PTPRD: variants seen among roughly 807,000 people sequenced by gnomAD.
PTPRD encodes receptor-type tyrosine-protein phosphatase delta.
In PTPRD, 34 loss-of-function variants were observed where a neutral mutation model predicts 214.5. That is an observed-to-expected ratio of 0.16 (90% CI 0.12 to 0.21). The LOEUF (loss-of-function observed/expected upper bound fraction) is 0.21, where lower values mean the gene tolerates loss of function less well. Among genes scored for constraint, PTPRD ranks in the 10% least tolerant of loss-of-function variants. PTPRD has a pLI of 1.00. For synonymous variants in PTPRD, 1,128 were observed against 845.7 expected (o/e 1.33, Z -5.79); for missense variants, 2,545 against 2,398.7 (o/e 1.06, Z -1.27).
intron 14 of PTPRD, among the ~76,000 whole-genome samples, chr9:8,627,026 T>A (rs2096065007): frequency 2.0e-5 from 3 of 151,708 alleles, no homozygotes; most frequent in Non-Finnish European, 4.4e-5. Context: ...AGCTTCTAGT[T>A]TCTACTCCTC....
intron 4 of PTPRD, among the ~76,000 whole-genome samples, chr9:9,988,699 G>A (rs1166517942): frequency 6.6e-6 from 1 of 151,800 alleles, no homozygotes; most frequent in African/African-American, 2.4e-5. Flanking sequence ...AACAAGTGCT[G>A]TTACATATCT....
At chr9:10,221,736 C>A (rs2099571810) in intron 3 of PTPRD, among the ~76,000 whole-genome samples, 1 of 151,738 alleles carries the variant, frequency 6.6e-6, no homozygotes, top group South Asian at 2.1e-4. Context: ...TTTTACAAAG[C>A]AATGTATAGC....
intron 2 of PTPRD, among the ~76,000 whole-genome samples, chr9:10,449,470 G>T (rs972303353): frequency 5.3e-5 from 8 of 151,436 alleles, no homozygotes; most frequent in African/African-American, 1.7e-4. Context: ...CCCCGTCTGG[G>T]AAGTGAGGAG....
intron 11 of PTPRD, among the ~76,000 whole-genome samples, chr9:8,955,315 A>C (rs2099125266): frequency 6.6e-6 from 1 of 151,864 alleles, no homozygotes; most frequent in Non-Finnish European, 1.5e-5. Flanking sequence ...CTGTCTTCTT[A>C]ACAGGAGATC....
chr9:9,576,894 T>C (rs144296535), intron 7 of PTPRD, among the ~76,000 whole-genome samples: 2,207 of 152,272 alleles, frequency 0.014, 46 homozygotes, highest in African/African-American at 0.05. Context: ...AAAAGAATGA[T>C]GGAATTTCAA....
chr9:10,460,128 A>C (rs955967533), intron 2 of PTPRD, among the ~76,000 whole-genome samples: 1 of 152,070 alleles, frequency 6.6e-6, no homozygotes, highest in Non-Finnish European at 1.5e-5. Context: ...TCAAGAAAAC[A>C]ATCCCATTTA....
intron 7 of PTPRD, among the ~76,000 whole-genome samples, chr9:9,590,067 T>C (rs540514947): frequency 2.1e-4 from 32 of 152,172 alleles, no homozygotes; most frequent in South Asian, 1.5e-3. Context: ...AGTACAAACA[T>C]TTATAATAAA....
intron 11 of PTPRD, among the ~76,000 whole-genome samples, chr9:8,758,703 C>A (rs2094193119): frequency 6.6e-6 from 1 of 151,118 alleles, no homozygotes; most frequent in East Asian, 1.9e-4. Context: ...CAATATGCTA[C>A]AACAAGACAA....
intron 6 of PTPRD, among the ~76,000 whole-genome samples, chr9:9,746,770 GT>G (rs1465877823): frequency 6.7e-6 from 1 of 148,706 alleles, no homozygotes; most frequent in Non-Finnish European, 1.5e-5. Context: ...TTGGGTCACA[GT>G]TTTTTACTTC....
intron 12 of PTPRD, among the ~76,000 whole-genome samples, chr9:8,733,364 C>T (rs1046160418): frequency 6.6e-6 from 1 of 152,098 alleles, no homozygotes; most frequent in Non-Finnish European, 1.5e-5. Context: ...TAATTAGGCT[C>T]ATTGTGACAT....
intron 14 of PTPRD, among the ~76,000 whole-genome samples, chr9:8,620,583 T>C (rs2095790580): frequency 1.3e-5 from 2 of 151,910 alleles, no homozygotes; most frequent in Non-Finnish European, 1.5e-5. Flanking sequence ...ATGGAGAAAT[T>C]TTAACCAGGT....
intron 9 of PTPRD, among the ~76,000 whole-genome samples, chr9:9,316,502 A>G (rs1963213382): frequency 1.3e-5 from 2 of 152,148 alleles, no homozygotes. Context: ...TGACCCAAAT[A>G]AAAAATGTTG....
chr9:8,937,028 A>ACAT (rs2099002412), intron 11 of PTPRD, among the ~76,000 whole-genome samples: 1 of 152,204 alleles, frequency 6.6e-6, no homozygotes. Flanking sequence ...GATGTTACAG[A>ACAT]CATTACCACT....
chr9:10,233,408 A>T (rs1476564435), intron 3 of PTPRD, among the ~76,000 whole-genome samples: 1 of 152,010 alleles, frequency 6.6e-6, no homozygotes, highest in Non-Finnish European at 1.5e-5. Context: ...GATGTTTTGA[A>T]TTCTCATCCA....
intron 2 of PTPRD, among the ~76,000 whole-genome samples, chr9:10,489,383 T>C (rs888327549): frequency 6.6e-6 from 1 of 152,114 alleles, no homozygotes; most frequent in Non-Finnish European, 1.5e-5. Context: ...CCAGTGGAGA[T>C]AAGAAGTCTC....
At chr9:10,156,181 G>A (rs1471897534) in intron 3 of PTPRD, among the ~76,000 whole-genome samples, 3 of 149,672 alleles carry the variant, frequency 2.0e-5, no homozygotes, top group Admixed American at 6.7e-5. Flanking sequence ...TGCCAGCTTT[G>A]GCATTGGTTT....
At chr9:10,299,084 G>A (rs661198) in intron 3 of PTPRD, among the ~76,000 whole-genome samples, 15,830 of 152,006 alleles carry the variant, frequency 0.1, 918 homozygotes, top group South Asian at 0.21. Context: ...GTTCAATTAA[G>A]TGTTGGTCAC....
chr9:9,757,897 C>A (rs1431518628), intron 6 of PTPRD, among the ~76,000 whole-genome samples: 5 of 152,054 alleles, frequency 3.3e-5, no homozygotes, highest in African/African-American at 9.7e-5. Flanking sequence ...CTTCTTTGCA[C>A]ATTGTGGAGC....
chr9:10,222,359 T>C (rs553788172), intron 3 of PTPRD, among the ~76,000 whole-genome samples: 29 of 152,080 alleles, frequency 1.9e-4, no homozygotes, highest in South Asian at 6.2e-4. Context: ...TAAATAGAAA[T>C]TGGCCACTGT....
Sources: gnomAD v4.1 joint callset for allele counts (sites outside exome capture counted in the v4.1 genomes callset) on GRCh38, gnomAD v4.1.1 for gene constraint, MANE v1.5 for transcripts, NCBI Gene and HGNC (gene_info 2026-07-23, HGNC 2026-07-21) for gene names.